RGPD8: variants seen among roughly 807,000 people sequenced by gnomAD.
RGPD8 encodes the protein RANBP2-like and GRIP domain-containing protein 8.
RGPD8 carries 15 observed loss-of-function variants against 89.1 expected under a neutral mutation model. The ratio of observed to expected loss-of-function variants is 0.17; its 90% confidence interval spans 0.11 to 0.26. RGPD8 has a LOEUF of 0.26. RGPD8 is among the 10% of genes least tolerant of loss of function. The pLI is 1.00. For missense variants in RGPD8, 178 were observed against 1,179.6 expected, an observed-to-expected ratio of 0.15 and a Z score of 12.44; for synonymous variants, 62 against 420.9, an observed-to-expected ratio of 0.15 and a Z score of 10.44.
intron 6 of RGPD8, among the ~76,000 whole-genome samples, chr2:112,413,038 G>T (rs1679247924): frequency 9.7e-6 from 1 of 103,454 alleles, no homozygotes; most frequent in Non-Finnish European, 1.8e-5. Flanking sequence ...CAAATTATAA[G>T]TAAATAACTG....
At chr2:112,419,896 T>C (rs1430777786) in intron 4 of RGPD8, among the ~76,000 whole-genome samples, 4 of 139,396 alleles carry the variant, frequency 2.9e-5, no homozygotes, top group African/African-American at 1.1e-4. Context: ...ATCAGTAATA[T>C]TTATCTTTGG....
intron 7 of RGPD8, among the ~76,000 whole-genome samples, chr2:112,411,065 C>T (rs1222864652): frequency 2.0e-5 from 3 of 152,218 alleles, no homozygotes; most frequent in African/African-American, 7.2e-5. Flanking sequence ...GCCTGGGCAA[C>T]AAGAGCAAAA....
intron 6 of RGPD8, among the ~76,000 whole-genome samples, chr2:112,415,891 AAG>A (rs1458650295): frequency 6.6e-6 from 1 of 150,910 alleles, no homozygotes; most frequent in Non-Finnish European, 1.5e-5. Flanking sequence ...AAAAAAAAAA[AAG>A]AGAGATTGAG....
At chr2:112,431,405 C>G (rs1408943542) in intron 1 of RGPD8, among the ~76,000 whole-genome samples, 1 of 152,172 alleles carries the variant, frequency 6.6e-6, no homozygotes, top group African/African-American at 2.4e-5. Flanking sequence ...AGATATCTAT[C>G]CTTCTCTGGA....
chr2:112,409,652 T>C (rs1259891033), intron 7 of RGPD8, among the ~76,000 whole-genome samples: 1 of 146,230 alleles, frequency 6.8e-6, no homozygotes, highest in Admixed American at 6.7e-5. Flanking sequence ...AATTTAACAA[T>C]GTAGCCAGGC....
At chr2:112,428,188 C>G (rs1679861050) in intron 1 of RGPD8, among the ~76,000 whole-genome samples, 1 of 152,264 alleles carries the variant, frequency 6.6e-6, no homozygotes, top group Admixed American at 6.5e-5. Context: ...AATTCGATAA[C>G]CAAATGATCA....
chr2:112,411,465 G>C (rs1679199121), intron 7 of RGPD8, among the ~76,000 whole-genome samples: 5 of 98,570 alleles, frequency 5.1e-5, no homozygotes, highest in African/African-American at 2.1e-4. Flanking sequence ...CAGCTACTCA[G>C]GAGGCTGAGG....
In RGPD8 at chr2:112,432,968, G is replaced by C. The variant is rs1250755721; in HGVS notation, c.72+414C>G. ...ATCGAGGCCGCCGCCGGGCCGGGTC[G>C]AGGCCGCCGCCTCAACAGAGCGCGC... On this transcript the variant is annotated intron_variant, in intron 1 of 22. Transcript: ENST00000302558. Among the ~76,000 whole-genome samples, 5 of 126,952 alleles carry C rather than the reference G, an allele frequency of 3.9e-5. No individual in the cohort carries two copies. In the East Asian group the frequency reaches 6.4e-4, roughly 16 times the overall value. The allele number at this position is 126,952 out of a possible 152,430, so 83.3% of individuals were successfully genotyped here.
intron 7 of RGPD8, among the ~76,000 whole-genome samples, chr2:112,408,801 A>T (rs1574007918): frequency 6.6e-6 from 1 of 151,754 alleles, no homozygotes; most frequent in Non-Finnish European, 1.5e-5. Context: ...CCTCTCAAGT[A>T]GCTGGGACTA....
intron 6 of RGPD8, among the ~76,000 whole-genome samples, chr2:112,414,663 G>A (rs1429172275): frequency 1.6e-5 from 1 of 62,600 alleles, no homozygotes; most frequent in Non-Finnish European, 2.8e-5. Context: ...GGCGGATCAC[G>A]AGGTCAAGAG....
At chr2:112,424,820 A>C in intron 1 of RGPD8, among the ~76,000 whole-genome samples, 1 of 151,200 alleles carries the variant, frequency 6.6e-6, no homozygotes, top group Non-Finnish European at 1.5e-5. Flanking sequence ...TAATTCTAGC[A>C]CTTTCAGAGA....
At chr2:112,429,922 C>T (rs572057722) in intron 1 of RGPD8, among the ~76,000 whole-genome samples, 76 of 152,230 alleles carry the variant, frequency 5.0e-4, no homozygotes, top group African/African-American at 1.8e-3. Flanking sequence ...ATTCTCCTGT[C>T]TCAGCCTACC....
intron 1 of RGPD8, chr2:112,432,608 C>T (rs1156713663): frequency 2.0e-6 from 2 of 985,152 alleles, no homozygotes; most frequent in Non-Finnish European, 2.4e-6. Context: ...CAAGGAGGTA[C>T]GACCTCCGCC....
At position 112,432,816 on chromosome 2, in the gene RGPD8, C is replaced by T. The variant is rs982249340; in HGVS notation, c.72+566G>A. Among the ~76,000 whole-genome samples the T allele has an allele frequency of 5.6e-4, 86 of 152,342 alleles. 2 individuals are homozygous for T. Among genetic ancestry groups the T allele is most frequent in the Admixed American group, 4.4e-3 (68 of 15,308 alleles). On this transcript the variant is annotated intron_variant, in intron 1 of 22. Coordinates refer to ENST00000302558, the MANE Select transcript of RGPD8 (RefSeq NM_001164463.1). ...CCGGCGCCAAAGGTCTCCCGCCCGC[C>T]GCGGTCCCCCCAGGACTCTTCCTGC...
chr2:112,387,508 C>CGCA (rs1425222274), intron 20 of RGPD8, among the ~76,000 whole-genome samples: 2 of 133,378 alleles, frequency 1.5e-5, no homozygotes, highest in Non-Finnish European at 3.3e-5. Context: ...ATTATAGGCA[C>CGCA]GCACCACCAT....
intron 6 of RGPD8, 120 bp downstream of exon 6, chr2:112,417,073 C>G: frequency 6.3e-7 from 1 of 1,599,440 alleles, no homozygotes; most frequent in Non-Finnish European, 8.5e-7. Flanking sequence ...ACTGTATTAA[C>G]TATAACTCCT....
At position 112,422,540 on chromosome 2, in the gene RGPD8, T is replaced by C. The variant is rs1397512549; in HGVS notation, c.252+8A>G. ...ATGCAAAGGCTATATTTGAATCCTA[T>C]AACTTACCCTGTAACATTCAACGGC... On this transcript the variant is annotated splice_region_variant and intron_variant, in intron 3 of 22. Coordinates refer to ENST00000302558, the MANE Select transcript of RGPD8 (RefSeq NM_001164463.1). 1 of 1,610,326 alleles carries C rather than the reference T, an allele frequency of 6.2e-7. No homozygotes were observed. Among genetic ancestry groups the C allele is most frequent in the African/African-American group, 1.3e-5 (1 of 74,490 alleles).
chr2:112,427,046 C>G (rs1259932998), intron 1 of RGPD8, among the ~76,000 whole-genome samples: 1 of 151,896 alleles, frequency 6.6e-6, no homozygotes, highest in African/African-American at 2.4e-5. Flanking sequence ...CTGACTTCTT[C>G]CGCCTCCCAA....
chr2:112,428,021 T>C, intron 1 of RGPD8, among the ~76,000 whole-genome samples: 2 of 152,246 alleles, frequency 1.3e-5, no homozygotes, highest in Non-Finnish European at 2.9e-5. Flanking sequence ...CAAGAAATGC[T>C]ACAGAACTGA....
Sources: gnomAD v4.1 joint callset for allele counts (sites outside exome capture counted in the v4.1 genomes callset) on GRCh38, gnomAD v4.1.1 for gene constraint, MANE v1.5 for transcripts, NCBI Gene and HGNC (gene_info 2026-07-23, HGNC 2026-07-21) for gene names.